Variants in RORA observed in about 807,000 individuals in gnomAD.
RORA encodes the protein RAR related orphan receptor A, also known as nuclear receptor ROR-alpha.
RORA carries 7 observed loss-of-function variants against 69.5 expected under a neutral mutation model. The ratio of observed to expected loss-of-function variants is 0.10; its 90% CI spans 0.06 to 0.19. RORA has a LOEUF of 0.19. RORA is among the 10% of genes least tolerant of loss of function. The pLI is 1.00. For synonymous variants in RORA, 261 were observed against 240.8 expected, an observed-to-expected ratio of 1.08 and a Z score of -0.78; for missense variants, 457 against 663.0, an observed-to-expected ratio of 0.69 and a Z score of 3.41.
chr15:61,143,648 A>C (rs1397356460), intron 1 of RORA, among the ~76,000 whole-genome samples: 1 of 152,220 alleles, frequency 6.6e-6, no homozygotes, highest in Non-Finnish European at 1.5e-5. Context: ...TATATAATAA[A>C]GTTGACATTT....
At chr15:60,709,693 T>C (rs923872704) in intron 1 of RORA, among the ~76,000 whole-genome samples, 3 of 151,730 alleles carry the variant, frequency 2.0e-5, no homozygotes, top group African/African-American at 7.3e-5. Context: ...TATGGGACCA[T>C]CTAGTTGCAG....
At chr15:60,619,428 A>G (rs1273264908) in intron 2 of RORA, among the ~76,000 whole-genome samples, 1 of 152,248 alleles carries the variant, frequency 6.6e-6, no homozygotes, top group Non-Finnish European at 1.5e-5. Flanking sequence ...CAGATGATGT[A>G]TCATGATGAT....
At chr15:61,037,672 A>G (rs367794650) in intron 1 of RORA, among the ~76,000 whole-genome samples, 1 of 152,196 alleles carries the variant, frequency 6.6e-6, no homozygotes, top group Admixed American at 6.5e-5. Flanking sequence ...TCAGAGATTC[A>G]CCTAGATGCT....
intron 1 of RORA, among the ~76,000 whole-genome samples, chr15:61,138,621 T>C (rs973601213): frequency 6.6e-6 from 1 of 152,110 alleles, no homozygotes; most frequent in Non-Finnish European, 1.5e-5. Context: ...GCAAAAAGCT[T>C]GTACCCCATA....
intron 1 of RORA, among the ~76,000 whole-genome samples, chr15:61,173,718 T>C (rs1034895992): frequency 6.6e-6 from 1 of 152,174 alleles, no homozygotes; most frequent in Admixed American, 6.5e-5. Flanking sequence ...TGCAGTGGCG[T>C]GACCACGGCT....
chr15:60,982,203 A>G (rs1204272557), intron 1 of RORA, among the ~76,000 whole-genome samples: 2 of 152,172 alleles, frequency 1.3e-5, no homozygotes, highest in Non-Finnish European at 2.9e-5. Flanking sequence ...GCAGTTTACT[A>G]CTCAGCCTTT....
At chr15:60,975,056 G>A (rs1318879080) in intron 1 of RORA, among the ~76,000 whole-genome samples, 2 of 152,168 alleles carry the variant, frequency 1.3e-5, no homozygotes, top group African/African-American at 2.4e-5. Context: ...TGAATGGGAG[G>A]GGAGCTGAGA....
At chr15:60,890,129 A>G (rs2073797648) in intron 1 of RORA, among the ~76,000 whole-genome samples, 1 of 152,206 alleles carries the variant, frequency 6.6e-6, no homozygotes, top group African/African-American at 2.4e-5. Context: ...TGTGCTATGC[A>G]CATACGCATC....
chr15:60,885,036 A>G (rs2073736349), intron 1 of RORA, among the ~76,000 whole-genome samples: 1 of 152,224 alleles, frequency 6.6e-6, no homozygotes, highest in African/African-American at 2.4e-5. Context: ...ATTTCATTCT[A>G]TGAAAACAGC....
chr15:60,734,642 G>T (rs752413382), intron 1 of RORA, among the ~76,000 whole-genome samples: 2 of 152,084 alleles, frequency 1.3e-5, no homozygotes, highest in Non-Finnish European at 1.5e-5. Flanking sequence ...TCCTGCGTGG[G>T]TACTTCTCTG....
intron 1 of RORA, among the ~76,000 whole-genome samples, chr15:61,185,250 T>C (rs1424793612): frequency 3.9e-5 from 6 of 152,168 alleles, no homozygotes; most frequent in Admixed American, 3.9e-4. Context: ...GACACTCTGA[T>C]TTCTCTGAGC....
intron 1 of RORA, among the ~76,000 whole-genome samples, chr15:61,035,171 C>T (rs750383141): frequency 7.1e-4 from 108 of 152,234 alleles, no homozygotes; most frequent in Middle Eastern, 3.4e-3. Context: ...TTTTCCCCTT[C>T]CAGCCCATAA....
In RORA at chr15:61,091,263, G is replaced by A. The variant is rs528058060; in HGVS notation, c.166+137790C>T. Among the ~76,000 whole-genome samples, 8 of 152,274 alleles carry A rather than the reference G, an allele frequency of 5.3e-5. No individual in the cohort carries two copies. In the East Asian group the frequency reaches 1.2e-3, roughly 22 times the overall value. Reference sequence around the variant, plus strand: ...TCTAAGAAGGCTGCTATGTGTCAGAGCTCTATCTTTGTGAACTGAACAAGC... The same window carrying A: ...TCTAAGAAGGCTGCTATGTGTCAGAACTCTATCTTTGTGAACTGAACAAGC... On this transcript the variant is annotated intron_variant, in intron 1 of 10. Transcript: ENST00000335670.
chr15:60,947,689 A>T (rs1373280252), intron 1 of RORA, among the ~76,000 whole-genome samples: 1 of 2,196 alleles, frequency 4.6e-4, no homozygotes, highest in African/African-American at 1.6e-3. Flanking sequence ...AATGATCAAT[A>T]AAAAAAAAAA....
Position 60,975,261 on chromosome 15 carries a change from G to A in RORA, c.166+253792C>T, listed in dbSNP as rs115670834. Among the ~76,000 whole-genome samples the A allele has an allele frequency of 1.6e-3, 251 of 152,268 alleles. 1 individual carries two copies. Among genetic ancestry groups the A allele is most frequent in the African/African-American group, 5.8e-3 (241 of 41,542 alleles). The stretch of plus-strand genomic sequence containing the variant: ...ATGGGGGCCTAAACAATTTCAATCC[G>A]TCATAACATACATTGTGAAGATATG... On this transcript the variant is annotated intron_variant, in intron 1 of 10. Transcript: ENST00000335670.
Position 61,136,912 on chromosome 15 carries a change from T to A in RORA, c.166+92141A>T, listed in dbSNP as rs143808673. On this transcript the variant is annotated intron_variant, in intron 1 of 10. Coordinates refer to ENST00000335670, the MANE Select transcript of RORA (RefSeq NM_134261.3). ...ATGGCCTCAGCTTTACATAAGATATTTCCTGGAATTTGCTCTTTTGGCATC... is the reference window on the plus strand; with the variant it reads ...ATGGCCTCAGCTTTACATAAGATATATCCTGGAATTTGCTCTTTTGGCATC... Among the ~76,000 whole-genome samples the A allele has an allele frequency of 1.0e-3, 159 of 152,102 alleles. 1 individual carries two copies. Among genetic ancestry groups the A allele is most frequent in the African/African-American group, 3.7e-3 (155 of 41,492 alleles).
chr15:60,552,600 T>C (rs1457800487), intron 2 of RORA, among the ~76,000 whole-genome samples: 3 of 152,220 alleles, frequency 2.0e-5, no homozygotes, highest in African/African-American at 4.8e-5. Context: ...TTCTAGCATG[T>C]AATATCTACT....
chr15:60,976,228 G>C (rs781511059), intron 1 of RORA, among the ~76,000 whole-genome samples: 5 of 152,180 alleles, frequency 3.3e-5, no homozygotes, highest in Non-Finnish European at 5.9e-5. Context: ...ACCTACCTAA[G>C]CCTGTGGTGG....
chr15:60,984,864 C>CAA (rs1401867765), intron 1 of RORA, among the ~76,000 whole-genome samples: 1 of 139,304 alleles, frequency 7.2e-6, no homozygotes, highest in Non-Finnish European at 1.5e-5. Flanking sequence ...CCTTCTTTAA[C>CAA]AAAAGTATTG....
Sources: allele counts gnomAD v4.1 joint callset (sites outside exome capture counted in the v4.1 genomes callset), GRCh38; gene constraint gnomAD v4.1.1; transcripts MANE v1.5; gene names NCBI Gene and HGNC (gene_info 2026-07-23, HGNC 2026-07-21).